WDR37: variants seen among roughly 807,000 people sequenced by gnomAD.
WDR37 encodes WD repeat-containing protein 37.
WDR37 carries 19 observed loss-of-function variants against 62.9 expected under a neutral mutation model. The observed-to-expected ratio is 0.30, with a 90% confidence interval of 0.21 to 0.44. WDR37 has a LOEUF of 0.44. WDR37 is among the 20% of genes least tolerant of loss of function. The pLI is 1.00. For missense variants in WDR37, 474 were observed against 657.6 expected (o/e 0.72, Z 3.05); for synonymous variants, 250 against 260.9 (o/e 0.96, Z 0.40).
intron 9 of WDR37, among the ~76,000 whole-genome samples, chr10:1,101,587 C>G (rs548000723): frequency 6.6e-6 from 1 of 152,180 alleles, no homozygotes; most frequent in Non-Finnish European, 1.5e-5. Context: ...CTGTTCCCTC[C>G]GCAGTTTGTT....
intron 1 of WDR37, among the ~76,000 whole-genome samples, chr10:1,067,856 C>T (rs750498406): frequency 3.3e-5 from 5 of 151,910 alleles, no homozygotes; most frequent in Admixed American, 6.6e-5. Flanking sequence ...AAATGTGGTG[C>T]GCACACACAC....
At chr10:1,089,225 C>G (rs900889579) in intron 7 of WDR37, among the ~76,000 whole-genome samples, 7 of 152,024 alleles carry the variant, frequency 4.6e-5, no homozygotes, top group African/African-American at 1.7e-4. Flanking sequence ...AGGCGAGCAG[C>G]TGGCCCGCTC....
intron 2 of WDR37, among the ~76,000 whole-genome samples, chr10:1,075,404 C>T (rs1833847077): frequency 6.6e-6 from 1 of 151,872 alleles, no homozygotes; most frequent in Non-Finnish European, 1.5e-5. Context: ...CTACATAAGG[C>T]ATTTCTCCTA....
intron 1 of WDR37, among the ~76,000 whole-genome samples, chr10:1,059,054 G>A (rs781457704): frequency 3.9e-5 from 6 of 152,182 alleles, no homozygotes; most frequent in Non-Finnish European, 8.8e-5. Flanking sequence ...AATGTTTTGT[G>A]TTTTTTGTTT....
At chr10:1,111,245 A>T (rs1835209075) in intron 11 of WDR37, among the ~76,000 whole-genome samples, 1 of 152,186 alleles carries the variant, frequency 6.6e-6, no homozygotes, top group Non-Finnish European at 1.5e-5. Context: ...GTTGGAATCT[A>T]ATGTCTTTTA....
intron 1 of WDR37, among the ~76,000 whole-genome samples, chr10:1,069,509 G>T (rs1833667646): frequency 6.6e-6 from 1 of 150,930 alleles, no homozygotes; most frequent in Non-Finnish European, 1.5e-5. Context: ...AAATTGGTTG[G>T]ATCGTAACCA....
At chr10:1,107,222 C>T (rs1325446408) in intron 11 of WDR37, among the ~76,000 whole-genome samples, 5 of 152,212 alleles carry the variant, frequency 3.3e-5, no homozygotes, top group Non-Finnish European at 7.3e-5. Flanking sequence ...ATGTGGTGCT[C>T]CCCGACGTCC....
At chr10:1,107,101 C>CTGGG (rs1835047437) in intron 11 of WDR37, among the ~76,000 whole-genome samples, 1 of 152,248 alleles carries the variant, frequency 6.6e-6, no homozygotes, top group Non-Finnish European at 1.5e-5. Flanking sequence ...AGGCGCTGAG[C>CTGGG]TGGGCCCCCA....
intron 7 of WDR37, among the ~76,000 whole-genome samples, chr10:1,091,101 T>A (rs759047183): frequency 6.6e-6 from 1 of 152,228 alleles, no homozygotes; most frequent in South Asian, 2.1e-4. Flanking sequence ...TTTGAGTGGG[T>A]GAGCAGTGCT....
At chr10:1,066,209 G>A (rs11815047) in intron 1 of WDR37, among the ~76,000 whole-genome samples, 7 of 151,954 alleles carry the variant, frequency 4.6e-5, no homozygotes, top group Non-Finnish European at 7.4e-5. Context: ...TCCGCCTCCC[G>A]GGTTGATGCC....
intron 1 of WDR37, among the ~76,000 whole-genome samples, chr10:1,066,819 G>A (rs1185125566): frequency 6.6e-6 from 1 of 152,250 alleles, no homozygotes; most frequent in African/African-American, 2.4e-5. Context: ...TGGCTGGGGA[G>A]GCCTCACAAT....
chr10:1,106,080 C>T (rs1283000782), intron 11 of WDR37, among the ~76,000 whole-genome samples: 2 of 152,098 alleles, frequency 1.3e-5, no homozygotes, highest in Admixed American at 1.3e-4. Flanking sequence ...CCACCGCGCC[C>T]AGCCGTGTAA....
rs117645275 is a variant in WDR37 at position 1,093,728 on chromosome 10, G to A, written c.649+232G>A. Among the ~76,000 whole-genome samples the A allele has an allele frequency of 4.1e-4, 62 of 152,306 alleles. 2 individuals are homozygous for A. The East Asian group carries it at 0.01, about 25-fold the overall frequency. The stretch of plus-strand genomic sequence containing the variant: ...TATTGTGAGATGAAGATGGCTTCAC[G>A]GTCTTCTCGAAGCCTTTCCGTACAG... On this transcript the variant is annotated intron_variant, in intron 8 of 13. Coordinates refer to ENST00000263150, the MANE Select transcript of WDR37 (RefSeq NM_014023.4).
Position 1,129,292 on chromosome 10 carries a change from G to A in WDR37, c.1433G>A (p.Arg478Gln). 1.9e-6 allele frequency: 3 copies of A among 1,614,050 alleles called. No homozygotes were observed. Among genetic ancestry groups the A allele is most frequent in the Non-Finnish European group, 2.5e-6 (3 of 1,180,026 alleles). The change falls in exon 14 of 14, where the codon CGG becomes CAG. Residue 478 changes from arginine (R) to glutamine (Q), a missense_variant. Coordinates refer to ENST00000263150, the MANE Select transcript of WDR37 (RefSeq NM_014023.4). ...VCNLFTCGFD[R>Q]QAIGWNINIP... is the part of the protein sequence containing the mutation. ...AATCTGTTCACCTGTGGGTTTGACC[G>A]GCAAGCCATTGGTTGGAACATCAAC...
intron 7 of WDR37, among the ~76,000 whole-genome samples, chr10:1,090,315 C>T (rs564231173): frequency 5.3e-5 from 8 of 152,278 alleles, no homozygotes; most frequent in South Asian, 4.1e-4. Flanking sequence ...CATGCCACCA[C>T]GCCCAGCTAA....
intron 9 of WDR37, among the ~76,000 whole-genome samples, chr10:1,100,362 C>T (rs539075354): frequency 6.6e-6 from 1 of 152,204 alleles, no homozygotes; most frequent in African/African-American, 2.4e-5. Context: ...CAGGTCCCTG[C>T]AGAAATGGCG....
In WDR37 at chr10:1,129,194, T is replaced by A; in HGVS notation, c.1354-19T>A. ...TTCGGGAATAATGCACTGATTTTGG[T>A]TTGTTTGATCATCACTAGGGCCACA... On this transcript the variant is annotated intron_variant, in intron 13 of 13. Transcript: ENST00000263150. The A allele has an allele frequency of 6.2e-7, 1 of 1,608,738 alleles. No individual in the cohort carries two copies. Among genetic ancestry groups the A allele is most frequent in the Non-Finnish European group, 8.5e-7 (1 of 1,176,374 alleles).
intron 1 of WDR37, among the ~76,000 whole-genome samples, chr10:1,061,202 C>G (rs1833361549): frequency 6.6e-6 from 1 of 152,158 alleles, no homozygotes; most frequent in South Asian, 2.1e-4. Flanking sequence ...GTAGATCTGC[C>G]AGTCCACCAA....
chr10:1,084,772 G>A (rs1026368359), intron 6 of WDR37, among the ~76,000 whole-genome samples: 1 of 152,188 alleles, frequency 6.6e-6, no homozygotes, highest in East Asian at 1.9e-4. Flanking sequence ...TTGTGGTCCC[G>A]TGGGTGGGTG....
Sources: allele counts gnomAD v4.1 joint callset (sites outside exome capture counted in the v4.1 genomes callset), GRCh38; gene constraint gnomAD v4.1.1; transcripts MANE v1.5; gene names NCBI Gene and HGNC (gene_info 2026-07-23, HGNC 2026-07-21).